Variants in SYNE1 observed in about 807,000 individuals in gnomAD.
SYNE1 encodes spectrin repeat containing nuclear envelope protein 1, also known as nesprin-1.
SYNE1 carries 616 observed loss-of-function variants against 1,111.0 expected under a neutral mutation model. That is an observed-to-expected ratio of 0.55 (90% CI 0.52 to 0.59). The LOEUF (loss-of-function observed/expected upper bound fraction) is 0.59. SYNE1 is among the 20% of genes least tolerant of loss of function. The pLI is 0.00. For missense variants in SYNE1, 10,006 were observed against 10,417.0 expected, an observed-to-expected ratio of 0.96 and a Z score of 1.72; for synonymous variants, 3,855 against 3,825.8, an observed-to-expected ratio of 1.01 and a Z score of -0.28.
intron 100 of SYNE1, among the ~76,000 whole-genome samples, chr6:152,265,849 A>G (rs2092652149): frequency 6.6e-6 from 1 of 152,214 alleles, no homozygotes; most frequent in Admixed American, 6.5e-5. Flanking sequence ...AAAGTAGGTC[A>G]TGCCCTTCCC....
intron 14 of SYNE1, among the ~76,000 whole-genome samples, chr6:152,472,868 A>T (rs1022483297): frequency 2.6e-5 from 4 of 152,250 alleles, no homozygotes; most frequent in Non-Finnish European, 2.9e-5. Flanking sequence ...ACTATTATAA[A>T]GTGGTATTTG....
At chr6:152,156,209 T>C (rs2061347226) in intron 131 of SYNE1, 112 bp from the exon 132 acceptor site, 4 of 1,112,634 alleles carry the variant, frequency 3.6e-6, no homozygotes, top group Middle Eastern at 2.2e-4. Flanking sequence ...AATATTTAAT[T>C]TCCTTGAATG....
In SYNE1 at chr6:152,331,524, G is replaced by T. The variant is rs577631943; in HGVS notation, c.13161C>A (p.His4387Gln). ...PDMAQNLLMD[H>Q]LAICSELEAK... ...CCTCCAGTTCACTGCAGATGGCCAGGTGATCCATGAGAAGGTTCTGAGCCA... is the reference window on the plus strand; with the variant it reads ...CCTCCAGTTCACTGCAGATGGCCAGTTGATCCATGAGAAGGTTCTGAGCCA... Residue 4387 changes from histidine (H) to glutamine (Q), a missense_variant, in exon 78 of 146, where the codon CAC (histidine) becomes CAA (glutamine). His to Gln is a conservative substitution (Grantham distance 24). Around this residue, in one of 7 missense-constraint regions of SYNE1, gnomAD observed 4,955 missense variants for 5,017.2 expected, o/e 0.99. Transcript: ENST00000367255. 6.2e-7 allele frequency: 1 copy of T among 1,614,124 alleles called. No individual in the cohort carries two copies. The highest frequency in any genetic ancestry group is 1.3e-5 in the African/African-American group (1 of 75,026).
In SYNE1 at chr6:152,386,790, G is replaced by T. The variant is rs214949; in HGVS notation, c.8487+282C>A. On this transcript the variant is annotated intron_variant, in intron 54 of 145. Coordinates refer to ENST00000367255, the MANE Select transcript of SYNE1 (RefSeq NM_182961.4). Reference sequence around the variant, plus strand: ...GGCGACATTTGATGTGCAAAGTAGAGAGATTAACTAAAAAAGCGGAGAAAG... The same window carrying T: ...GGCGACATTTGATGTGCAAAGTAGATAGATTAACTAAAAAAGCGGAGAAAG... 0.5 allele frequency among the ~76,000 whole-genome samples: 76,586 copies of T among 151,746 alleles called. 21,027 individuals carry two copies. Among genetic ancestry groups the T allele is most frequent in the East Asian group, 0.75 (3,880 of 5,146 alleles).
chr6:152,324,746 A>C (rs1358418859), intron 81 of SYNE1, among the ~76,000 whole-genome samples: 2 of 152,258 alleles, frequency 1.3e-5, no homozygotes, highest in East Asian at 3.9e-4. Context: ...GCTTGCAGTG[A>C]GCCGAGATGG....
intron 41 of SYNE1, among the ~76,000 whole-genome samples, chr6:152,415,704 C>T (rs1156655113): frequency 1.4e-5 from 2 of 145,340 alleles, no homozygotes; most frequent in African/African-American, 2.6e-5. Context: ...ATATTCTTTG[C>T]TCATAAACTG....
chr6:152,398,533 G>A, intron 49 of SYNE1, 86 bp downstream of exon 49: 1 of 1,113,756 alleles, frequency 9.0e-7, no homozygotes, highest in Non-Finnish European at 1.4e-6. Context: ...GCTCAGATAA[G>A]ATTTGGGAAA....
intron 56 of SYNE1, among the ~76,000 whole-genome samples, chr6:152,377,600 C>T (rs1432157774): frequency 1.2e-5 from 1 of 81,786 alleles, no homozygotes; most frequent in Non-Finnish European, 2.2e-5. Context: ...CAGAACGAAA[C>T]TCCGTCTTAA....
intron 75 of SYNE1, among the ~76,000 whole-genome samples, chr6:152,338,760 T>C (rs2096464199): frequency 6.6e-6 from 1 of 152,218 alleles, no homozygotes; most frequent in Non-Finnish European, 1.5e-5. Context: ...TAGCTCATCA[T>C]AGCCCAGACA....
intron 8 of SYNE1, among the ~76,000 whole-genome samples, 183 bp from the exon 9 acceptor site, chr6:152,505,580 A>G (rs1404811738): frequency 6.6e-6 from 1 of 152,212 alleles, no homozygotes; most frequent in East Asian, 1.9e-4. Context: ...AAGATGTCGA[A>G]ATTCTGGTTC....
At chr6:152,571,163 A>G (rs940724127) in intron 3 of SYNE1, among the ~76,000 whole-genome samples, 5 of 152,182 alleles carry the variant, frequency 3.3e-5, no homozygotes, top group African/African-American at 1.2e-4. Flanking sequence ...ATTACCTTAC[A>G]ATGTGTTCCA....
At chr6:152,232,713 C>T (rs1211323572) in intron 112 of SYNE1, among the ~76,000 whole-genome samples, 1 of 152,206 alleles carries the variant, frequency 6.6e-6, no homozygotes, top group East Asian at 1.9e-4. Context: ...GTTTTTGGCA[C>T]TCTAATCTTT....
chr6:152,153,397 C>T (rs1385197307), intron 133 of SYNE1, among the ~76,000 whole-genome samples: 1 of 152,106 alleles, frequency 6.6e-6, no homozygotes, highest in Non-Finnish European at 1.5e-5. Flanking sequence ...TAAAGACTGC[C>T]CCCAAGCACA....
chr6:152,254,244 C>CTTTTTTTTT (rs773598537), intron 104 of SYNE1, among the ~76,000 whole-genome samples: 25 of 73,170 alleles, frequency 3.4e-4, no homozygotes, highest in East Asian at 5.0e-4. Context: ...TCTGCATACT[C>CTTTTTTTTT]TTTTTTTTTT....
At position 152,337,063 on chromosome 6, in the gene SYNE1, A is replaced by G. The variant is rs567177317; in HGVS notation, c.12352-46T>C. On this transcript the variant is annotated intron_variant, in intron 75 of 145. Coordinates refer to ENST00000367255, the MANE Select transcript of SYNE1 (RefSeq NM_182961.4). The stretch of plus-strand genomic sequence containing the variant: ...AAAGTTAGCAACCATACATGGAAAC[A>G]TTTATGGTTAATGAATCAGAGATGG... 6 of 1,578,882 alleles carry G rather than the reference A, an allele frequency of 3.8e-6. No homozygotes were observed. The South Asian group carries it at 5.7e-5, about 15-fold the overall frequency.
rs2098336824 is a variant in SYNE1, at chr6:152,425,390, A to G, written c.5258T>C (p.Ile1753Thr). The stretch of plus-strand genomic sequence containing the variant: ...ATCTTTTAGAACCAACCTTTTGTTA[A>G]TGATCTGTGGTAAATCTCTCCATCT... ...DERWRDLPQI[I>T]NKRINFLQSV... is the part of the protein sequence containing the mutation. Residue 1753 changes from isoleucine to threonine, a missense_variant, in exon 39 of 146, where the codon ATT (isoleucine) becomes ACT (threonine). Physicochemically the swap from Ile to Thr is moderately conservative, Grantham distance 89. Transcript: ENST00000367255. 1.2e-6 allele frequency: 2 copies of G among 1,614,148 alleles called. No homozygotes were observed. Among genetic ancestry groups the G allele is most frequent in the Non-Finnish European group, 8.5e-7 (1 of 1,179,974 alleles).
Position 152,488,589 on chromosome 6 carries a change from C to T in SYNE1, c.940-86G>A, listed in dbSNP as rs559374852. Reference sequence around the variant, plus strand: ...AATACTTGACTGATTCTAGAAGAGACTTAATATTTAGTAAGTCCCAACTGT... The same window carrying T: ...AATACTTGACTGATTCTAGAAGAGATTTAATATTTAGTAAGTCCCAACTGT... On this transcript the variant is annotated intron_variant, in intron 11 of 145. Coordinates refer to ENST00000367255, the MANE Select transcript of SYNE1 (RefSeq NM_182961.4). 2.3e-3 allele frequency: 1,885 copies of T among 806,060 alleles called. 3 individuals are homozygous for T. Among genetic ancestry groups the T allele is most frequent in the Non-Finnish European group, 3.2e-3 (1,540 of 487,348 alleles). The allele number at this position is 806,060 out of a possible 1,614,324, so 49.9% of individuals were successfully genotyped here. A position where few individuals can be genotyped will look rare whatever the true frequency, so the allele number is the denominator to read the frequency against.
intron 145 of SYNE1, chr6:152,129,628 C>A (rs2459110): frequency 0.42 from 63,148 of 150,028 alleles, 13,243 homozygotes; most frequent in South Asian, 0.47. Context: ...AAAAACAGTA[C>A]AGGGAGGTCT....
rs771177380 is a variant in SYNE1, at chr6:152,141,183, A to G, written c.25246+20T>C. 5 of 1,614,060 alleles carry G rather than the reference A, an allele frequency of 3.1e-6. No homozygotes were observed. Among genetic ancestry groups the G allele is most frequent in the Non-Finnish European group, 4.2e-6 (5 of 1,179,978 alleles). Reference sequence around the variant, plus strand: ...GATCTTCTATTTCATTCACTCTTGAACTGGATGCTACGCACTCACCAGCCG... The same window carrying G: ...GATCTTCTATTTCATTCACTCTTGAGCTGGATGCTACGCACTCACCAGCCG... On this transcript the variant is annotated intron_variant, in intron 139 of 145. Coordinates refer to ENST00000367255, the MANE Select transcript of SYNE1 (RefSeq NM_182961.4).
Sources: gnomAD v4.1 joint callset for allele counts (sites outside exome capture counted in the v4.1 genomes callset) on GRCh38, gnomAD v4.1.1 for gene constraint, gnomAD v4.1.1 regional missense constraint, MANE v1.5 for transcripts, NCBI Gene and HGNC (gene_info 2026-07-23, HGNC 2026-07-21) for gene names.